OR2L13: variants seen among roughly 807,000 people sequenced by gnomAD.
OR2L13 encodes olfactory receptor 2L13.
Under a neutral mutation model 15.3 loss-of-function variants are expected in OR2L13, and 14 were observed. The observed-to-expected ratio is 0.91, with a 90% CI of 0.60 to 1.43. The LOEUF is 1.43. Among genes scored for constraint, OR2L13 ranks in the 40% most tolerant of loss-of-function variants. OR2L13 has a pLI of 0.00. For synonymous variants in OR2L13, 152 were observed against 142.9 expected (o/e 1.06, Z -0.45); for missense variants, 367 against 387.9 (o/e 0.95, Z 0.45).
the OR2L13 span, among the ~76,000 whole-genome samples, chr1:248,051,881 T>G: frequency 6.6e-6 from 1 of 152,278 alleles, no homozygotes; most frequent in South Asian, 2.1e-4. Flanking sequence ...TGGTTCCAGG[T>G]TTACAATAAT....
the OR2L13 span, among the ~76,000 whole-genome samples, chr1:248,048,190 A>C: frequency 2.0e-5 from 3 of 152,150 alleles, no homozygotes; most frequent in African/African-American, 7.2e-5. Context: ...ACCATCGTGG[A>C]CCTCAATGGC....
the OR2L13 span, among the ~76,000 whole-genome samples, chr1:248,085,182 A>C: frequency 8.6e-5 from 13 of 151,814 alleles, no homozygotes; most frequent in African/African-American, 2.9e-4. Context: ...GCCACAGCCC[A>C]CTGACTCCTT....
chr1:248,002,813 G>A, the OR2L13 span, among the ~76,000 whole-genome samples: 16 of 149,282 alleles, frequency 1.1e-4, no homozygotes, highest in Non-Finnish European at 8.8e-5. Context: ...AGCCGAGATC[G>A]CACCACTGCA....
At chr1:248,088,239 C>T in the OR2L13 span, among the ~76,000 whole-genome samples, 3 of 151,898 alleles carry the variant, frequency 2.0e-5, no homozygotes, top group African/African-American at 7.3e-5. Context: ...AGGAATTACA[C>T]TTTGAGAAAT....
the OR2L13 span, among the ~76,000 whole-genome samples, chr1:248,072,798 A>T: frequency 1.3e-3 from 197 of 152,272 alleles, 1 homozygote; most frequent in African/African-American, 4.6e-3. Flanking sequence ...AAACAACCCC[A>T]TCAAAAAGTG....
chr1:248,013,715 T>C, the OR2L13 span: 3 of 152,136 alleles, frequency 2.0e-5, no homozygotes, highest in Non-Finnish European at 4.4e-5. Flanking sequence ...CAGTGCGTGT[T>C]TGAAATTGAG....
At chr1:248,081,011 T>C in the OR2L13 span, among the ~76,000 whole-genome samples, 1 of 152,202 alleles carries the variant, frequency 6.6e-6, no homozygotes, top group Non-Finnish European at 1.5e-5. Flanking sequence ...TTCTTTAACT[T>C]AGAGATTCAT....
chr1:248,084,396 A>G, the OR2L13 span: 682 of 1,612,752 alleles, frequency 4.2e-4, 2 homozygotes, highest in African/African-American at 3.5e-3. Flanking sequence ...CATCACGTCC[A>G]TGAGGGAGAG....
the OR2L13 span, chr1:248,041,294 CTGG>C: frequency 6.6e-6 from 1 of 152,114 alleles, no homozygotes; most frequent in African/African-American, 2.4e-5. Flanking sequence ...GCTGGGAAAA[CTGG>C]CTAGCCATAT....
chr1:248,038,691 A>C, the OR2L13 span: 4 of 1,614,138 alleles, frequency 2.5e-6, no homozygotes, highest in South Asian at 4.4e-5. Context: ...AGTGTGTGTG[A>C]TGATGATAAC....
the OR2L13 span, chr1:248,083,750 T>C: frequency 1.2e-6 from 2 of 1,613,932 alleles, no homozygotes; most frequent in Non-Finnish European, 1.7e-6. Flanking sequence ...GGGGGTTTAG[T>C]AAAGGGGTGA....
At chr1:248,071,211 G>C in the OR2L13 span, among the ~76,000 whole-genome samples, 1 of 152,018 alleles carries the variant, frequency 6.6e-6, no homozygotes, top group Non-Finnish European at 1.5e-5. Flanking sequence ...GATGAACATT[G>C]ATGCAAAAAT....
the OR2L13 span, among the ~76,000 whole-genome samples, chr1:248,071,300 T>G: frequency 3.3e-5 from 5 of 152,084 alleles, no homozygotes; most frequent in Admixed American, 2.0e-4. Context: ...GCTTCATCCC[T>G]GGGATGCAAG....
At chr1:248,061,574 G>C in the OR2L13 span, 3 of 1,613,546 alleles carry the variant, frequency 1.9e-6, no homozygotes, top group Non-Finnish European at 2.5e-6. Flanking sequence ...GAGGTGATGG[G>C]GGCCCTGACA....
At chr1:247,945,826 T>C in the OR2L13 span, among the ~76,000 whole-genome samples, 5 of 152,296 alleles carry the variant, frequency 3.3e-5, no homozygotes, top group African/African-American at 1.2e-4. Context: ...ACCCCTGCTT[T>C]TTCCTTCTTT....
chr1:248,096,960 T>C (rs182515182), upstream of OR2L13, among the ~76,000 whole-genome samples: 2 of 152,296 alleles, frequency 1.3e-5, no homozygotes, highest in East Asian at 1.9e-4. Context: ...TGAATCTACG[T>C]GCTATGGGGG....
At chr1:247,956,216 CTTGT>C in the OR2L13 span, among the ~76,000 whole-genome samples, 1 of 151,824 alleles carries the variant, frequency 6.6e-6, no homozygotes, top group African/African-American at 2.4e-5. Flanking sequence ...TTCCCCATTG[CTTGT>C]TTTTGTCAGG....
chr1:248,061,084 A>G, the OR2L13 span: 13 of 1,614,008 alleles, frequency 8.1e-6, no homozygotes, highest in South Asian at 1.4e-4. Context: ...TCCCATCCGC[A>G]TGAGCAAAAG....
the OR2L13 span, among the ~76,000 whole-genome samples, chr1:248,068,483 C>A: frequency 1.3e-5 from 2 of 152,126 alleles, no homozygotes; most frequent in Non-Finnish European, 2.9e-5. Flanking sequence ...ACATCCACAT[C>A]AAAAACCCAT....
Sources: gnomAD v4.1 joint callset for allele counts (sites outside exome capture counted in the v4.1 genomes callset) on GRCh38, gnomAD v4.1.1 for gene constraint, MANE v1.5 for transcripts, NCBI Gene and HGNC (gene_info 2026-07-23, HGNC 2026-07-21) for gene names.